PRKX: variants seen among roughly 807,000 people sequenced by gnomAD.
PRKX encodes protein kinase cAMP-dependent X-linked catalytic subunit.
Under a neutral mutation model 22.0 loss-of-function variants are expected in PRKX, and 12 were observed. The observed-to-expected ratio is 0.54, with a 90% CI of 0.35 to 0.88. The LOEUF is 0.88. PRKX is among the 40% of genes least tolerant of loss of function. The pLI is 0.01. For missense variants in PRKX, 217 were observed against 308.0 expected (o/e 0.70, Z 2.21); for synonymous variants, 134 against 137.7 (o/e 0.97, Z 0.19).
chrX:3,652,788 A>G (rs936863694), intron 3 of PRKX, among the ~76,000 whole-genome samples: 1 of 110,769 alleles, frequency 9.0e-6, no homozygotes, highest in African/African-American at 3.3e-5. Context: ...AGGTAAAACG[A>G]GGTCACTAGG....
intron 1 of PRKX, among the ~76,000 whole-genome samples, chrX:3,684,737 G>A (rs1429673078): frequency 5.4e-5 from 6 of 111,615 alleles, no homozygotes; most frequent in Middle Eastern, 4.7e-3. Flanking sequence ...TAGGCTTGTC[G>A]ATGCCATCTT....
chrX:3,679,438 C>T (rs1456833576), intron 1 of PRKX, among the ~76,000 whole-genome samples: 1 of 112,619 alleles, frequency 8.9e-6, no homozygotes, highest in African/African-American at 3.2e-5. Context: ...AAAGTCAAAG[C>T]TTTAAGGGGA....
At chrX:3,709,981 T>C (rs1176056913) in intron 1 of PRKX, among the ~76,000 whole-genome samples, 6 of 107,756 alleles carry the variant, frequency 5.6e-5, no homozygotes, top group Non-Finnish European at 1.2e-4. Context: ...GAGATGAGGG[T>C]CTCACTATAT....
chrX:3,692,675 C>A (rs933945783), intron 1 of PRKX, among the ~76,000 whole-genome samples: 2 of 110,009 alleles, frequency 1.8e-5, no homozygotes, highest in African/African-American at 3.3e-5. Context: ...CTACAGGCAC[C>A]CACCACCACG....
At chrX:3,634,898 C>T (rs1926856570) in intron 4 of PRKX, among the ~76,000 whole-genome samples, 1 of 111,125 alleles carries the variant, frequency 9.0e-6, no homozygotes, top group Non-Finnish European at 1.9e-5. Flanking sequence ...GAAATGGGGT[C>T]TCACTATGTT....
chrX:3,646,666 G>A, intron 3 of PRKX, among the ~76,000 whole-genome samples: 1 of 111,123 alleles, frequency 9.0e-6, no homozygotes, highest in East Asian at 2.8e-4. Context: ...AGCAGGGTGT[G>A]GGGTTTTTCA....
intron 2 of PRKX, among the ~76,000 whole-genome samples, chrX:3,661,019 G>A (rs1435946797): frequency 9.1e-6 from 1 of 110,269 alleles, no homozygotes; most frequent in East Asian, 2.8e-4. Context: ...TGTTCCACAA[G>A]TGTCTCAGTA....
intron 2 of PRKX, among the ~76,000 whole-genome samples, chrX:3,671,744 T>A (rs1328727081): frequency 2.7e-5 from 3 of 111,051 alleles, no homozygotes; most frequent in Admixed American, 1.9e-4. Context: ...TCTCAGCATG[T>A]TGGGAGGCCG....
Position 3,605,746 on chromosome X carries a change from G to A in PRKX, c.*3223C>T, listed in dbSNP as rs1351193369. On this transcript the variant is annotated 3_prime_UTR_variant, in exon 9 of 9. Coordinates refer to ENST00000262848, the MANE Select transcript of PRKX (RefSeq NM_005044.5). ...CTGAATGGGAAATTCAGTAACAAGT[G>A]ATTGTGCAGTTGTTTGATGGGCATG... 8.9e-6 allele frequency: 1 copy of A among 112,297 alleles called. No individual in the cohort carries two copies. The highest frequency in any genetic ancestry group is 9.4e-5 in the Admixed American group (1 of 10,584). 9.3% of individuals were successfully genotyped at this position (112,297 alleles called of 1,213,427 possible). A position where few individuals can be genotyped will look rare whatever the true frequency, so the allele number is the denominator to read the frequency against.
At chrX:3,634,816 A>C (rs1444790417) in intron 4 of PRKX, among the ~76,000 whole-genome samples, 1 of 111,401 alleles carries the variant, frequency 9.0e-6, no homozygotes, top group Non-Finnish European at 1.9e-5. Context: ...CAGCCTCCCA[A>C]AGTACTGGGA....
chrX:3,696,872 T>C (rs370038815), intron 1 of PRKX, among the ~76,000 whole-genome samples: 125 of 110,676 alleles, frequency 1.1e-3, no homozygotes, highest in African/African-American at 4.1e-3. Flanking sequence ...AAACAAAAAA[T>C]AGCCAAGCAT....
intron 8 of PRKX, among the ~76,000 whole-genome samples, 153 bp from the exon 9 acceptor site, chrX:3,609,098 C>A (rs1206268901): frequency 8.9e-6 from 1 of 111,907 alleles, no homozygotes; most frequent in Non-Finnish European, 1.9e-5. Context: ...GATCCATAAG[C>A]CTGAATTCTA....
chrX:3,672,252 G>GT (rs1300927032), intron 2 of PRKX, among the ~76,000 whole-genome samples: 1 of 108,617 alleles, frequency 9.2e-6, no homozygotes, highest in Non-Finnish European at 1.9e-5. Context: ...ACCAACATAG[G>GT]TAACTTTGAA....
intron 1 of PRKX, among the ~76,000 whole-genome samples, chrX:3,694,040 A>G (rs12390237): frequency 0.36 from 39,123 of 108,366 alleles, 5,457 homozygotes; most frequent in Non-Finnish European, 0.4. Context: ...GGTGGGACCT[A>G]AATCCAACAA....
At chrX:3,666,567 T>C (rs1454205523) in intron 2 of PRKX, among the ~76,000 whole-genome samples, 5 of 111,443 alleles carry the variant, frequency 4.5e-5, no homozygotes, top group African/African-American at 1.3e-4. Flanking sequence ...GATCAGGAGT[T>C]TGAGAACAGC....
chrX:3,683,233 T>C (rs1247937435), intron 1 of PRKX, among the ~76,000 whole-genome samples: 8 of 111,447 alleles, frequency 7.2e-5, no homozygotes, highest in Non-Finnish European at 1.3e-4. Context: ...TTCAACCAAA[T>C]AGTTCCAAAT....
At chrX:3,688,552 C>G (rs1227576921) in intron 1 of PRKX, among the ~76,000 whole-genome samples, 1 of 87,061 alleles carries the variant, frequency 1.1e-5, no homozygotes, top group African/African-American at 3.8e-5. Flanking sequence ...AGGGAACATG[C>G]TCTTGTTCCA....
At chrX:3,655,621 GT>G (rs760149557) in intron 2 of PRKX, among the ~76,000 whole-genome samples, 1 of 112,733 alleles carries the variant, frequency 8.9e-6, no homozygotes, top group Admixed American at 9.4e-5. Context: ...ACAGATAGGT[GT>G]TCGAATGCAC....
rs936656380 is a variant in PRKX, at chrX:3,673,626, T to C, written c.335+972A>G. On this transcript the variant is annotated intron_variant, in intron 2 of 8. Coordinates refer to ENST00000262848, the MANE Select transcript of PRKX (RefSeq NM_005044.5). ...GGACAGGAGAGGCATGGTAGCAAGA[T>C]GGCGGAGGGAAGACGTGGGAATTGG... Among the ~76,000 whole-genome samples the C allele has an allele frequency of 4.5e-5, 5 of 109,996 alleles. No individual in the cohort carries two copies. In the Admixed American group the frequency reaches 4.8e-4, roughly 11 times the overall value.
Sources: allele counts gnomAD v4.1 joint callset (sites outside exome capture counted in the v4.1 genomes callset), GRCh38; gene constraint gnomAD v4.1.1; transcripts MANE v1.5; gene names NCBI Gene and HGNC (gene_info 2026-07-23, HGNC 2026-07-21).